The following SLC49A4 variants were observed in gnomAD, a reference collection of about 807,000 sequenced individuals.
SLC49A4 encodes solute carrier family 49 member 4.
In SLC49A4, 36 loss-of-function variants were observed where a neutral mutation model predicts 50.6. The ratio of observed to expected loss-of-function variants is 0.71; its 90% confidence interval spans 0.55 to 0.94. The LOEUF is 0.94. Ranked by LOEUF, SLC49A4 falls within the 40% of genes least tolerant of loss-of-function variation. The pLI is 0.00. For synonymous variants in SLC49A4, 248 were observed against 241.2 expected (o/e 1.03, Z -0.26); for missense variants, 503 against 605.7 (o/e 0.83, Z 1.78).
chr3:122,845,606 C>CG (rs1375679817), intron 4 of SLC49A4, among the ~76,000 whole-genome samples, 157 bp from the exon 5 acceptor site: 1 of 115,692 alleles, frequency 8.6e-6, no homozygotes, highest in African/African-American at 3.3e-5. Flanking sequence ...CTTTCCAGCA[C>CG]GTTTTTTTTT....
chr3:122,854,829 C>T (rs1479286464), intron 5 of SLC49A4, among the ~76,000 whole-genome samples: 1 of 152,174 alleles, frequency 6.6e-6, no homozygotes, highest in Non-Finnish European at 1.5e-5. Context: ...CGGTGGCTCA[C>T]GCCTGTAATC....
intron 7 of SLC49A4, among the ~76,000 whole-genome samples, chr3:122,869,472 C>T (rs967075609): frequency 5.3e-5 from 8 of 152,164 alleles, no homozygotes; most frequent in South Asian, 2.1e-4. Context: ...CAACCAACAC[C>T]GCCCCCATTG....
intron 1 of SLC49A4, among the ~76,000 whole-genome samples, chr3:122,797,935 T>TGCTCC (rs1182558313): frequency 6.6e-6 from 1 of 152,196 alleles, no homozygotes; most frequent in African/African-American, 2.4e-5. Flanking sequence ...GAGCTATGAT[T>TGCTCC]GCTCCACTGC....
intron 3 of SLC49A4, among the ~76,000 whole-genome samples, chr3:122,828,450 A>G (rs1936565656): frequency 6.6e-6 from 1 of 152,200 alleles, no homozygotes; most frequent in African/African-American, 2.4e-5. Context: ...TGTAGAGAGG[A>G]AACTTAAAGG....
chr3:122,836,206 G>A (rs563823728), intron 4 of SLC49A4, among the ~76,000 whole-genome samples: 7 of 151,990 alleles, frequency 4.6e-5, no homozygotes, highest in Non-Finnish European at 7.4e-5. Flanking sequence ...TAGCATGAAG[G>A]GTTGTTGAAT....
chr3:122,874,995 G>A (rs931245047), intron 8 of SLC49A4, among the ~76,000 whole-genome samples: 5 of 152,076 alleles, frequency 3.3e-5, no homozygotes, highest in African/African-American at 7.2e-5. Context: ...CAGAAACATC[G>A]TCCACATCTC....
At chr3:122,856,710 C>T (rs1936994649) in intron 6 of SLC49A4, among the ~76,000 whole-genome samples, 1 of 152,030 alleles carries the variant, frequency 6.6e-6, no homozygotes, top group East Asian at 1.9e-4. Flanking sequence ...GTGATGAGCG[C>T]CTGTAGTCCC....
At chr3:122,864,789 G>C (rs2107581153) in intron 7 of SLC49A4, among the ~76,000 whole-genome samples, 1 of 152,320 alleles carries the variant, frequency 6.6e-6, no homozygotes. Context: ...CAAGGCAATA[G>C]GATCACTTGA....
chr3:122,803,428 T>A (rs1936162759), intron 1 of SLC49A4, among the ~76,000 whole-genome samples: 1 of 152,220 alleles, frequency 6.6e-6, no homozygotes, highest in Non-Finnish European at 1.5e-5. Flanking sequence ...CATTAGGGGA[T>A]GTATAAAGCC....
At chr3:122,854,690 C>T (rs1055074654) in intron 5 of SLC49A4, among the ~76,000 whole-genome samples, 3 of 152,224 alleles carry the variant, frequency 2.0e-5, no homozygotes, top group Non-Finnish European at 4.4e-5. Context: ...GACACATGGT[C>T]ACCTGTTCCA....
intron 5 of SLC49A4, among the ~76,000 whole-genome samples, chr3:122,853,839 C>T (rs1936954100): frequency 6.6e-6 from 1 of 152,146 alleles, no homozygotes; most frequent in Non-Finnish European, 1.5e-5. Context: ...AAGTATCTTT[C>T]TTGGTACAAA....
At chr3:122,811,386 CAG>C (rs1048430364) in intron 2 of SLC49A4, among the ~76,000 whole-genome samples, 1 of 152,134 alleles carries the variant, frequency 6.6e-6, no homozygotes, top group Admixed American at 6.6e-5. Context: ...AAATAGCAGA[CAG>C]ATGTCTATTT....
intron 1 of SLC49A4, among the ~76,000 whole-genome samples, chr3:122,797,025 A>G (rs1342921398): frequency 6.6e-6 from 1 of 152,204 alleles, no homozygotes; most frequent in Non-Finnish European, 1.5e-5. Context: ...AGAGAATAGA[A>G]TAGCAGGGTG....
chr3:122,833,392 T>C lies in SLC49A4; in HGVS notation c.779T>C (p.Val260Ala), dbSNP rs749222761. ...FPPRPPLPPS[V>A]AAASQRLSYR... ...CCCCGACCTCCTCTTCCTCCCAGTG[T>C]TGCTGCAGCTAGCCAGCGGCTGAGT... Residue 260 changes from valine to alanine, a missense_variant, in exon 4 of 9, where the codon GTT (valine) becomes GCT (alanine). By Grantham distance (64) the Val-to-Ala change is moderately conservative. Coordinates refer to ENST00000261038, the MANE Select transcript of SLC49A4 (RefSeq NM_032839.3). 28 of 1,613,494 alleles carry C rather than the reference T, an allele frequency of 1.7e-5. No homozygotes were observed. The highest frequency in any genetic ancestry group is 2.2e-5 in the Non-Finnish European group (26 of 1,179,622).
At chr3:122,850,653 G>A (rs1209983879) in intron 5 of SLC49A4, among the ~76,000 whole-genome samples, 2 of 151,896 alleles carry the variant, frequency 1.3e-5, no homozygotes, top group Non-Finnish European at 1.5e-5. Flanking sequence ...GGCTACAGGT[G>A]CACACCACCA....
At position 122,795,370 on chromosome 3, in the gene SLC49A4, C is replaced by T. The variant is rs1456971059; in HGVS notation, c.178C>T (p.Leu60=). ...CTGGCTGGTGCTGCTGCTCTTCTCG[C>T]TGCTGGCGTTCGTTCAGGGCCTGGT... The part of the protein sequence containing the change: ...RRWLVLLLFS[L]LAFVQGLVWN... Residue 60 remains leucine (L), a synonymous_variant, in exon 1 of 9, where the codon CTG becomes TTG. Transcript: ENST00000261038. 1 of 1,598,038 alleles carries T rather than the reference C, an allele frequency of 6.3e-7. No individual in the cohort carries two copies. Among genetic ancestry groups the T allele is most frequent in the African/African-American group, 1.4e-5 (1 of 73,978 alleles).
chr3:122,834,960 A>G (rs760297380), intron 4 of SLC49A4, among the ~76,000 whole-genome samples: 2 of 152,172 alleles, frequency 1.3e-5, no homozygotes, highest in Non-Finnish European at 2.9e-5. Context: ...GGGGAAATGG[A>G]TAAACTTCTG....
intron 5 of SLC49A4, among the ~76,000 whole-genome samples, chr3:122,850,063 CT>C (rs1460694076): frequency 1.3e-5 from 2 of 151,984 alleles, no homozygotes; most frequent in Non-Finnish European, 1.5e-5. Context: ...TGAAGCAAAT[CT>C]GACTGACTTT....
chr3:122,805,654 G>A (rs886766134), intron 1 of SLC49A4, among the ~76,000 whole-genome samples: 1 of 152,222 alleles, frequency 6.6e-6, no homozygotes, highest in African/African-American at 2.4e-5. Context: ...CCTGTGTGAT[G>A]TGGCTGCCAC....
Sources: gnomAD v4.1 joint callset for allele counts (sites outside exome capture counted in the v4.1 genomes callset) on GRCh38, gnomAD v4.1.1 for gene constraint, MANE v1.5 for transcripts, NCBI Gene and HGNC (gene_info 2026-07-23, HGNC 2026-07-21) for gene names.